MCU: variants seen among roughly 807,000 people sequenced by gnomAD.
The protein encoded by MCU is mitochondrial calcium uniporter.
A neutral mutation model predicts 45.2 loss-of-function variants in MCU; 12 were observed. The observed-to-expected ratio is 0.27, with a 90% CI of 0.17 to 0.43. The LOEUF (loss-of-function observed/expected upper bound fraction) is 0.43. Among genes scored for constraint, MCU ranks in the 20% least tolerant of loss-of-function variants. MCU has a pLI of 1.00. For missense variants in MCU, 324 were observed against 436.7 expected (o/e 0.74, Z 2.30); for synonymous variants, 160 against 165.1 (o/e 0.97, Z 0.24).
intron 1 of MCU, among the ~76,000 whole-genome samples, chr10:72,699,248 T>C (rs1329606301): frequency 6.6e-6 from 1 of 152,200 alleles, no homozygotes; most frequent in Non-Finnish European, 1.5e-5. Flanking sequence ...GGCTCATGCC[T>C]GTAATCCCAG....
At chr10:72,737,724 C>T (rs781469579) in intron 1 of MCU, among the ~76,000 whole-genome samples, 8 of 151,856 alleles carry the variant, frequency 5.3e-5, no homozygotes, top group Non-Finnish European at 7.4e-5. Context: ...TTCACCATGT[C>T]GGTCAGGCTG....
At position 72,788,992 on chromosome 10, in the gene MCU, T is replaced by C. The variant is rs557217756; in HGVS notation, c.151-45367T>C. On this transcript the variant is annotated intron_variant, in intron 1 of 7. Transcript: ENST00000373053. ...TGTCTTGGAGCCACTTAAAGACTTA[T>C]CTTTTTCCCTAAGTGAAAAAGATAA... Among the ~76,000 whole-genome samples, 10 of 152,300 alleles carry C rather than the reference T, an allele frequency of 6.6e-5. No individual in the cohort carries two copies. In the East Asian group the frequency reaches 1.9e-3, roughly 29 times the overall value.
At chr10:72,698,765 A>G (rs552178413) in intron 1 of MCU, among the ~76,000 whole-genome samples, 1 of 151,576 alleles carries the variant, frequency 6.6e-6, no homozygotes, top group South Asian at 2.1e-4. Flanking sequence ...TCAGCCTCCC[A>G]AAGTGCTGGT....
At chr10:72,744,873 C>T (rs942263231) in intron 1 of MCU, among the ~76,000 whole-genome samples, 4 of 152,134 alleles carry the variant, frequency 2.6e-5, no homozygotes, top group Non-Finnish European at 5.9e-5. Flanking sequence ...ATCCCTGGGT[C>T]ACCAGTTGAG....
chr10:72,718,589 A>G (rs1417062278), intron 1 of MCU, among the ~76,000 whole-genome samples: 1 of 152,214 alleles, frequency 6.6e-6, no homozygotes, highest in African/African-American at 2.4e-5. Context: ...GTTATTTACA[A>G]AAGTTGAACA....
At chr10:72,842,962 C>A (rs912230312) in intron 2 of MCU, among the ~76,000 whole-genome samples, 1 of 151,802 alleles carries the variant, frequency 6.6e-6, no homozygotes, top group African/African-American at 2.4e-5. Flanking sequence ...ATAGCTTTAT[C>A]AGATTCTCAG....
At chr10:72,881,715 C>T (rs941399236) in intron 6 of MCU, among the ~76,000 whole-genome samples, 1 of 152,154 alleles carries the variant, frequency 6.6e-6, no homozygotes, top group African/African-American at 2.4e-5. Flanking sequence ...GATATCTGAA[C>T]AGGCACTTCT....
At chr10:72,816,060 T>A (rs954407075) in intron 1 of MCU, among the ~76,000 whole-genome samples, 2 of 152,060 alleles carry the variant, frequency 1.3e-5, no homozygotes, top group Non-Finnish European at 2.9e-5. Flanking sequence ...TAATCCCAGC[T>A]ACTTAGGTGG....
chr10:72,709,746 A>C (rs187187248), intron 1 of MCU, among the ~76,000 whole-genome samples: 260 of 152,316 alleles, frequency 1.7e-3, no homozygotes, highest in African/African-American at 5.8e-3. Context: ...CTGTGACTTA[A>C]ACGTTAAAAT....
chr10:72,727,227 G>A (rs1367283735), intron 1 of MCU, among the ~76,000 whole-genome samples: 6 of 152,156 alleles, frequency 3.9e-5, no homozygotes, highest in African/African-American at 7.2e-5. Context: ...AGCTGCTGTA[G>A]TTTTACACAG....
chr10:72,838,118 A>T lies in MCU; in HGVS notation c.220+3690A>T, dbSNP rs935971584. On this transcript the variant is annotated intron_variant, in intron 2 of 7. Coordinates refer to ENST00000373053, the MANE Select transcript of MCU (RefSeq NM_138357.3). ...CCTTGTGATCCACCCGCCTCAGCCT[A>T]CCAAAGTGTTGGGATTACAGGTGTG... Among the ~76,000 whole-genome samples the T allele has an allele frequency of 6.6e-5, 10 of 151,544 alleles. No homozygotes were observed. In the East Asian group the frequency reaches 1.9e-3, roughly 29 times the overall value.
intron 1 of MCU, among the ~76,000 whole-genome samples, chr10:72,700,307 C>T (rs554025818): frequency 6.6e-6 from 1 of 151,770 alleles, no homozygotes; most frequent in African/African-American, 2.4e-5. Flanking sequence ...GTGATCCCCC[C>T]ACTTCAGCCT....
chr10:72,787,429 C>T (rs1844090768), intron 1 of MCU, among the ~76,000 whole-genome samples: 1 of 152,018 alleles, frequency 6.6e-6, no homozygotes, highest in Non-Finnish European at 1.5e-5. Flanking sequence ...CCACCATGCC[C>T]AGCTAATTTT....
intron 1 of MCU, among the ~76,000 whole-genome samples, chr10:72,775,438 A>G (rs184599115): frequency 6.6e-6 from 1 of 152,296 alleles, no homozygotes; most frequent in Admixed American, 6.5e-5. Context: ...CTATCAAAAA[A>G]GAAAATTAGA....
intron 4 of MCU, among the ~76,000 whole-genome samples, chr10:72,867,887 A>G (rs1177076734): frequency 3.3e-5 from 5 of 150,550 alleles, no homozygotes; most frequent in Non-Finnish European, 7.4e-5. Flanking sequence ...TATTAGGATG[A>G]TGGCATTTTT....
chr10:72,852,116 G>A (rs1845216253), intron 2 of MCU, among the ~76,000 whole-genome samples: 1 of 152,166 alleles, frequency 6.6e-6, no homozygotes, highest in Admixed American at 6.5e-5. Context: ...GGGATAATTG[G>A]ATAATTTAAT....
At chr10:72,735,262 G>GT (rs1278681234) in intron 1 of MCU, among the ~76,000 whole-genome samples, 2 of 151,662 alleles carry the variant, frequency 1.3e-5, no homozygotes, top group South Asian at 2.1e-4. Flanking sequence ...AGTGTGTTGG[G>GT]TTTTTTTTCA....
intron 1 of MCU, chr10:72,693,033 A>G: frequency 6.5e-7 from 1 of 1,536,174 alleles, no homozygotes; most frequent in South Asian, 1.2e-5. Context: ...TGAAGCGGGA[A>G]GGGTGGTCAG....
chr10:72,805,101 C>CTCTCTT (rs1554824918), intron 1 of MCU, among the ~76,000 whole-genome samples: 2 of 103,454 alleles, frequency 1.9e-5, no homozygotes, highest in South Asian at 3.6e-4. Flanking sequence ...TTCTTTCTTT[C>CTCTCTT]TCTTTCTTTC....
Sources: allele counts gnomAD v4.1 joint callset (sites outside exome capture counted in the v4.1 genomes callset), GRCh38; gene constraint gnomAD v4.1.1; transcripts MANE v1.5; gene names NCBI Gene and HGNC (gene_info 2026-07-23, HGNC 2026-07-21).